Variants in ATP8A1 observed in about 807,000 individuals in gnomAD.
ATP8A1 encodes the protein phospholipid-transporting ATPase IA.
In ATP8A1, 90 loss-of-function variants were observed where a neutral mutation model predicts 177.7. The ratio of observed to expected loss-of-function variants is 0.51; its 90% CI spans 0.43 to 0.60. The LOEUF (loss-of-function observed/expected upper bound fraction) is 0.60. Among genes scored for constraint, ATP8A1 ranks in the 20% least tolerant of loss-of-function variants. The probability of loss-of-function intolerance (pLI) is 0.00; values close to 1 mark genes in which losing one functional copy is unlikely to be tolerated. For missense variants in ATP8A1, 1,072 were observed against 1,392.8 expected, an observed-to-expected ratio of 0.77 and a Z score of 3.67; for synonymous variants, 493 against 485.9, an observed-to-expected ratio of 1.01 and a Z score of -0.19.
At chr4:42,607,586 G>T (rs141927572) in intron 5 of ATP8A1, among the ~76,000 whole-genome samples, 1 of 151,312 alleles carries the variant, frequency 6.6e-6, no homozygotes, top group East Asian at 1.9e-4. Context: ...TGAGCATTTA[G>T]GGTTGTTGAG....
Position 42,503,508 on chromosome 4 carries a change from G to T in ATP8A1, c.2093C>A (p.Ser698Tyr). The T allele has an allele frequency of 6.2e-7, 1 of 1,602,708 alleles. No individual in the cohort carries two copies. The highest frequency in any genetic ancestry group is 1.1e-5 in the South Asian group (1 of 89,640). ...KQETAINIGH[S>Y]CKLLKKNMGM... ...CATGTTCTTCTTCAACAGTTTGCAG[G>T]AGTGTCCTGTATCCAAACACAGAGT... is the stretch of plus-strand genomic sequence containing the variant. The change falls in exon 24 of 37, where the codon TCC becomes TAC. Residue 698 changes from serine to tyrosine, a missense_variant. Ser to Tyr is a moderately radical substitution (Grantham distance 144). This residue lies in a region of ATP8A1 where 388 missense variants were observed against 471.7 expected (regional missense o/e 0.82). Coordinates refer to ENST00000381668, the MANE Select transcript of ATP8A1 (RefSeq NM_006095.2).
chr4:42,627,799 T>G (rs1195930781), intron 1 of ATP8A1, among the ~76,000 whole-genome samples: 2 of 152,206 alleles, frequency 1.3e-5, no homozygotes, highest in Non-Finnish European at 2.9e-5. Context: ...AAACAGCTTT[T>G]TGTGTCTTCT....
At chr4:42,634,343 C>T (rs1402907331) in intron 1 of ATP8A1, among the ~76,000 whole-genome samples, 4 of 152,240 alleles carry the variant, frequency 2.6e-5, no homozygotes, top group South Asian at 2.1e-4. Flanking sequence ...TGATCACATG[C>T]TAAATTTACA....
At chr4:42,537,380 C>G (rs1300647872) in intron 20 of ATP8A1, among the ~76,000 whole-genome samples, 1 of 151,196 alleles carries the variant, frequency 6.6e-6, no homozygotes, top group African/African-American at 2.4e-5. Context: ...CCCACTTTCA[C>G]CACTTTTATT....
chr4:42,507,163 A>T lies in ATP8A1; in HGVS notation c.1948-9T>A, dbSNP rs936529668. ...CCAAGTAGCTGAAGATTCTGAAAAA[A>T]ATTAGTGGTAGAAATGTTTTAAAAA... On this transcript the variant is annotated splice_polypyrimidine_tract_variant and intron_variant, in intron 22 of 36. Coordinates refer to ENST00000381668, the MANE Select transcript of ATP8A1 (RefSeq NM_006095.2). The T allele has an allele frequency of 5.6e-6, 9 of 1,612,036 alleles. No individual in the cohort carries two copies. The highest frequency in any genetic ancestry group is 1.7e-4 in the Middle Eastern group (1 of 6,054).
intron 24 of ATP8A1, among the ~76,000 whole-genome samples, chr4:42,486,288 G>C (rs1195143948): frequency 6.6e-6 from 1 of 152,154 alleles, no homozygotes; most frequent in Non-Finnish European, 1.5e-5. Context: ...GTGGAATGCT[G>C]AGAAAGGTAA....
intron 1 of ATP8A1, among the ~76,000 whole-genome samples, chr4:42,653,662 C>T (rs1223229324): frequency 6.6e-6 from 1 of 152,200 alleles, no homozygotes; most frequent in Non-Finnish European, 1.5e-5. Context: ...AACGATGTGG[C>T]CCCCAACTGG....
intron 16 of ATP8A1, among the ~76,000 whole-genome samples, chr4:42,555,139 A>T (rs13114211): frequency 0.045 from 2,682 of 59,352 alleles, 93 homozygotes; most frequent in Admixed American, 0.061. Flanking sequence ...CTATCTATCT[A>T]ATCTATCTAT....
At chr4:42,593,093 C>T (rs773014339) in intron 6 of ATP8A1, among the ~76,000 whole-genome samples, 3 of 152,012 alleles carry the variant, frequency 2.0e-5, no homozygotes, top group African/African-American at 4.8e-5. Context: ...GATGTGAAAT[C>T]AAGGCATGAG....
Position 42,543,874 on chromosome 4 carries a change from C to A in ATP8A1, c.1722+43G>T, listed in dbSNP as rs1214466099. On this transcript the variant is annotated intron_variant, in intron 20 of 36. Transcript: ENST00000381668. ...GAATGCCTAACATATACATTATAAA[C>A]CATCATAAATTATAACTGTAAAAAA... The A allele has an allele frequency of 2.9e-6, 4 of 1,401,744 alleles. No homozygotes were observed. In the East Asian group the frequency reaches 9.9e-5, roughly 35 times the overall value. 86.8% of individuals were successfully genotyped at this position (1,401,744 alleles called of 1,614,324 possible).
At chr4:42,481,463 C>T (rs1486478972) in intron 25 of ATP8A1, among the ~76,000 whole-genome samples, 1 of 152,190 alleles carries the variant, frequency 6.6e-6, no homozygotes, top group Non-Finnish European at 1.5e-5. Flanking sequence ...AGAGAGATTC[C>T]ATCAGATACC....
chr4:42,522,013 C>G, intron 22 of ATP8A1, 147 bp downstream of exon 22: 1 of 860,360 alleles, frequency 1.2e-6, no homozygotes, highest in Non-Finnish European at 1.7e-6. Flanking sequence ...CATATTAATA[C>G]TTGTTAATGC....
chr4:42,455,201 G>C, intron 29 of ATP8A1, 96 bp downstream of exon 29: 3 of 1,469,594 alleles, frequency 2.0e-6, no homozygotes, highest in Admixed American at 2.1e-5. Context: ...TCTCAGGCTA[G>C]TGTATCCTTG....
intron 24 of ATP8A1, among the ~76,000 whole-genome samples, chr4:42,488,670 G>C (rs779498151): frequency 1.3e-5 from 2 of 152,116 alleles, no homozygotes; most frequent in African/African-American, 4.8e-5. Flanking sequence ...TACATTCTGA[G>C]CCTAACTTTC....
rs777847439 is a variant in ATP8A1, at chr4:42,461,244, C to CTTTTTT, written c.2619+3445_2619+3446insAAAAAA. 1.9e-3 allele frequency among the ~76,000 whole-genome samples: 158 copies of CTTTTTT among 84,114 alleles called. 1 individual carries two copies. Among genetic ancestry groups the CTTTTTT allele is most frequent in the Non-Finnish European group, 2.5e-3 (106 of 42,862 alleles). The allele number at this position is 84,114 out of a possible 152,430, so 55.2% of individuals were successfully genotyped here. A position where few individuals can be genotyped will look rare whatever the true frequency, so the allele number is the denominator to read the frequency against. On this transcript the variant is annotated intron_variant, in intron 27 of 36. Transcript: ENST00000381668. ...TAAAATATACTGAGATCAATTTTTT[C>CTTTTTT]TTTCTTTTTTTTTTTTTTGCTTTTT...
chr4:42,452,893 C>G (rs1185554045), intron 29 of ATP8A1, among the ~76,000 whole-genome samples: 2 of 152,190 alleles, frequency 1.3e-5, no homozygotes, highest in Non-Finnish European at 2.9e-5. Flanking sequence ...TTAAGCTGTT[C>G]AAACAACAGA....
chr4:42,475,037 C>T (rs1285965569), intron 25 of ATP8A1, among the ~76,000 whole-genome samples: 1 of 152,142 alleles, frequency 6.6e-6, no homozygotes, highest in Admixed American at 6.5e-5. Context: ...TCAGAACAAT[C>T]CCATAAGTTA....
intron 2 of ATP8A1, 66 bp from the exon 3 acceptor site, chr4:42,625,779 C>A: frequency 2.2e-6 from 2 of 908,206 alleles, no homozygotes; most frequent in South Asian, 3.9e-5. Context: ...TTACAAAGTT[C>A]TGTTACTAAC....
chr4:42,507,019 T>G lies in ATP8A1; in HGVS notation c.2083A>C (p.Ile695Leu). 1 of 1,613,238 alleles carries G rather than the reference T, an allele frequency of 6.2e-7. No individual in the cohort carries two copies. Among genetic ancestry groups the G allele is most frequent in the Admixed American group, 1.7e-5 (1 of 59,886 alleles). Residue 695 changes from isoleucine (I) to leucine (L), a missense_variant, in exon 23 of 37, where the codon ATC becomes CTC. Physicochemically the swap from Ile to Leu is conservative, Grantham distance 5. This residue lies in a region of ATP8A1 where 388 missense variants were observed against 471.7 expected (regional missense o/e 0.82). Transcript: ENST00000381668. The part of the protein sequence containing the change: ...TGDKQETAIN[I>L]GHSCKLLKKN... The stretch of plus-strand genomic sequence containing the variant: ...AAATGTGAACTAGGTGAATTACCGA[T>G]GTTAATGGCAGTTTCTTGCTTGTCC...
Sources: allele counts gnomAD v4.1 joint callset (sites outside exome capture counted in the v4.1 genomes callset), GRCh38; gene constraint gnomAD v4.1.1; regional missense constraint gnomAD v4.1.1; transcripts MANE v1.5; gene names NCBI Gene and HGNC (gene_info 2026-07-23, HGNC 2026-07-21).